MBNL1: variants seen among roughly 807,000 people sequenced by gnomAD.
The protein encoded by MBNL1 is muscleblind like splicing regulator 1, also known as muscleblind-like protein 1.
MBNL1 carries 8 observed loss-of-function variants against 42.2 expected under a neutral mutation model. The ratio of observed to expected loss-of-function variants is 0.19; its 90% confidence interval spans 0.11 to 0.34. The LOEUF (loss-of-function observed/expected upper bound fraction) is 0.34, where lower values mean the gene tolerates loss of function less well. MBNL1 is among the 10% of genes least tolerant of loss of function. MBNL1 has a pLI of 1.00. For synonymous variants in MBNL1, 169 were observed against 173.9 expected (o/e 0.97, Z 0.22); for missense variants, 309 against 495.3 (o/e 0.62, Z 3.57).
At chr3:152,408,358 G>A (rs1052198539) in intron 2 of MBNL1, among the ~76,000 whole-genome samples, 9 of 152,104 alleles carry the variant, frequency 5.9e-5, no homozygotes, top group African/African-American at 1.2e-4. Flanking sequence ...TGAATGTAAT[G>A]TATCTGTTAT....
At chr3:152,364,649 C>CT (rs779772313) in intron 2 of MBNL1, among the ~76,000 whole-genome samples, 3 of 151,816 alleles carry the variant, frequency 2.0e-5, no homozygotes, top group Non-Finnish European at 2.9e-5. Context: ...AAAAATCTAA[C>CT]TATGTTTTAT....
At chr3:152,283,127 T>C (rs1448479558) in intron 1 of MBNL1, among the ~76,000 whole-genome samples, 1 of 152,224 alleles carries the variant, frequency 6.6e-6, no homozygotes, top group African/African-American at 2.4e-5. Context: ...CCAGTGCTTG[T>C]AGATTTTAGA....
chr3:152,340,979 T>A, intron 2 of MBNL1: 1 of 1,486,298 alleles, frequency 6.7e-7, no homozygotes, highest in African/African-American at 1.4e-5. Flanking sequence ...AAGGTCTGGG[T>A]AAATTGATGA....
chr3:152,346,408 C>A (rs1487864595), intron 2 of MBNL1, among the ~76,000 whole-genome samples: 1 of 152,042 alleles, frequency 6.6e-6, no homozygotes, highest in Non-Finnish European at 1.5e-5. Context: ...AAGTGAGATA[C>A]ATTATTTTTA....
intron 1 of MBNL1, among the ~76,000 whole-genome samples, chr3:152,277,230 C>A (rs2045770638): frequency 1.3e-5 from 2 of 152,080 alleles, no homozygotes; most frequent in South Asian, 4.1e-4. Flanking sequence ...CTAAAGGTCA[C>A]CAAATTCTTT....
intron 2 of MBNL1, among the ~76,000 whole-genome samples, chr3:152,304,991 A>G (rs1388295542): frequency 1.3e-5 from 2 of 152,168 alleles, no homozygotes; most frequent in East Asian, 1.9e-4. Context: ...GCTTCATATT[A>G]TAAGATTTTG....
chr3:152,265,608 G>C (rs1260948317), upstream of MBNL1: 1 of 152,138 alleles, frequency 6.6e-6, no homozygotes, highest in African/African-American at 2.4e-5. Flanking sequence ...GGTAAACAAG[G>C]AGCTGACATT....
chr3:152,308,361 C>T (rs575114476), intron 2 of MBNL1, among the ~76,000 whole-genome samples: 2 of 152,174 alleles, frequency 1.3e-5, no homozygotes, highest in African/African-American at 4.8e-5. Flanking sequence ...TTCAGCTTGC[C>T]TAGTGCAGGG....
At chr3:152,347,877 AG>A (rs1355822838) in intron 2 of MBNL1, among the ~76,000 whole-genome samples, 4 of 152,188 alleles carry the variant, frequency 2.6e-5, no homozygotes, top group Admixed American at 1.3e-4. Context: ...ATACTGTGAA[AG>A]TCAATATTTT....
intron 2 of MBNL1, among the ~76,000 whole-genome samples, chr3:152,387,377 T>C (rs1024822760): frequency 6.6e-6 from 1 of 152,102 alleles, no homozygotes; most frequent in African/African-American, 2.4e-5. Context: ...AGCAAATTCT[T>C]GGAAAGAAGG....
intron 2 of MBNL1, among the ~76,000 whole-genome samples, chr3:152,378,895 T>A (rs2097050161): frequency 6.6e-6 from 1 of 151,640 alleles, no homozygotes; most frequent in South Asian, 2.1e-4. Context: ...AATTGCATTT[T>A]TTTAGAGATC....
chr3:152,379,235 C>T (rs1233906873), intron 2 of MBNL1, among the ~76,000 whole-genome samples: 1 of 152,170 alleles, frequency 6.6e-6, no homozygotes, highest in Non-Finnish European at 1.5e-5. Flanking sequence ...TACACTGAAG[C>T]AGGAACTCCT....
At chr3:152,407,895 C>T (rs1553909888) in intron 2 of MBNL1, among the ~76,000 whole-genome samples, 1 of 152,086 alleles carries the variant, frequency 6.6e-6, no homozygotes, top group Non-Finnish European at 1.5e-5. Context: ...AAACAAACAC[C>T]ACATGTTCCC....
intron 6 of MBNL1, among the ~76,000 whole-genome samples, chr3:152,451,167 G>A (rs1580751313): frequency 6.6e-6 from 1 of 152,304 alleles, no homozygotes; most frequent in East Asian, 1.9e-4. Context: ...AACTTCAGAT[G>A]TGTAGATATA....
At chr3:152,295,109 T>C (rs2058034505) in intron 1 of MBNL1, among the ~76,000 whole-genome samples, 1 of 152,240 alleles carries the variant, frequency 6.6e-6, no homozygotes, top group South Asian at 2.1e-4. Flanking sequence ...GAACTAATTA[T>C]TAATACTTTG....
intron 2 of MBNL1, among the ~76,000 whole-genome samples, chr3:152,361,548 G>A (rs2095956968): frequency 6.6e-6 from 1 of 151,686 alleles, no homozygotes; most frequent in South Asian, 2.1e-4. Flanking sequence ...CAAATGCTAA[G>A]GGGCAATGAT....
At position 152,446,875 on chromosome 3, in the gene MBNL1, ATGAAAAAAC is replaced by A. The variant is rs1469099154; in HGVS notation, c.808-741_808-733del. The A allele has an allele frequency of 6.2e-6, 5 of 810,628 alleles. No individual in the cohort carries two copies. The East Asian group carries it at 1.1e-4, about 18-fold the overall frequency. The allele number at this position is 810,628 out of a possible 1,614,324, so 50.2% of individuals were successfully genotyped here. A position where few individuals can be genotyped will look rare whatever the true frequency, so the allele number is the denominator to read the frequency against. ...TTCTGTTATAGAGTTGTAAAGTACA[ATGAAAAAAC>A]TGAGTGTGGTTTCCTGACAAAATTA... On this transcript the variant is annotated intron_variant, in intron 5 of 9. Coordinates refer to ENST00000324210, the MANE Select transcript of MBNL1 (RefSeq NM_021038.5).
rs79079904 is a variant in MBNL1, at chr3:152,408,772, G to A, written c.175-6169G>A. 5.6e-4 allele frequency among the ~76,000 whole-genome samples: 85 copies of A among 151,988 alleles called. 1 individual carries two copies. The East Asian group carries it at 0.011, about 19-fold the overall frequency. ...GGTGATGCTGTCCTCCCTCCTCCCC[G>A]CCAAGACATGTCTCAATATCTGGAG... On this transcript the variant is annotated intron_variant, in intron 2 of 9. Transcript: ENST00000324210.
intron 2 of MBNL1, among the ~76,000 whole-genome samples, chr3:152,332,183 G>C (rs1368916021): frequency 6.6e-6 from 1 of 152,124 alleles, no homozygotes; most frequent in African/African-American, 2.4e-5. Context: ...ATTCCTCCTA[G>C]TCTATCACGT....
Sources: allele counts gnomAD v4.1 joint callset (sites outside exome capture counted in the v4.1 genomes callset), GRCh38; gene constraint gnomAD v4.1.1; transcripts MANE v1.5; gene names NCBI Gene and HGNC (gene_info 2026-07-23, HGNC 2026-07-21).